Variants in MEF2C observed in about 807,000 individuals in gnomAD.
MEF2C encodes the protein myocyte-specific enhancer factor 2C.
A neutral mutation model predicts 50.5 loss-of-function variants in MEF2C; 6 were observed. The observed-to-expected ratio is 0.12, with a 90% CI of 0.07 to 0.23. MEF2C has a LOEUF of 0.23. MEF2C is among the 10% of genes least tolerant of loss of function. The pLI is 1.00. For missense variants in MEF2C, 276 were observed against 605.0 expected (o/e 0.46, Z 5.70); for synonymous variants, 183 against 228.0 (o/e 0.80, Z 1.78).
At chr5:88,763,154 T>C (rs1035254988) in intron 3 of MEF2C, among the ~76,000 whole-genome samples, 29 of 152,294 alleles carry the variant, frequency 1.9e-4, no homozygotes, top group African/African-American at 7.0e-4. Flanking sequence ...AAACATATGG[T>C]TACAGCTTAT....
chr5:88,869,296 C>CTTATAT (rs1828665479), intron 1 of MEF2C, among the ~76,000 whole-genome samples: 1 of 104,870 alleles, frequency 9.5e-6, no homozygotes, highest in African/African-American at 3.8e-5. Context: ...TATATATATA[C>CTTATAT]ACATATATAT....
At chr5:88,734,565 GTTTTTTTTTTTTTTT>G (rs66505441) in intron 6 of MEF2C, 49 of 541,950 alleles carry the variant, frequency 9.0e-5, no homozygotes, top group Admixed American at 5.0e-4. Flanking sequence ...AGAAAAGTTT[GTTTTTTTTTTTTTTT>G]TTTTTTTTTT....
At chr5:88,874,453 C>G (rs1201856374) in intron 1 of MEF2C, among the ~76,000 whole-genome samples, 1 of 151,808 alleles carries the variant, frequency 6.6e-6, no homozygotes, top group Admixed American at 6.6e-5. Context: ...AGTATTGACT[C>G]ATATATATAT....
intron 1 of MEF2C, among the ~76,000 whole-genome samples, chr5:88,878,984 T>G (rs929253195): frequency 3.3e-5 from 5 of 152,026 alleles, no homozygotes; most frequent in Non-Finnish European, 7.4e-5. Context: ...ATTGTGATGG[T>G]CAAAGAAAAC....
At chr5:88,831,582 C>CAGA (rs959833337) in intron 1 of MEF2C, among the ~76,000 whole-genome samples, 9 of 151,886 alleles carry the variant, frequency 5.9e-5, no homozygotes, top group Middle Eastern at 3.2e-3. Context: ...CTAGATAAAT[C>CAGA]ATCTGTTATT....
intron 3 of MEF2C, among the ~76,000 whole-genome samples, chr5:88,799,004 T>C (rs562716763): frequency 2.4e-4 from 36 of 152,206 alleles, no homozygotes; most frequent in Non-Finnish European, 4.6e-4. Flanking sequence ...TGCCTGTTCC[T>C]TCCTCTGGAA....
At chr5:88,729,375 T>C in intron 8 of MEF2C, 28 bp from the exon 9 acceptor site, 5 of 1,552,152 alleles carry the variant, frequency 3.2e-6, no homozygotes, top group Non-Finnish European at 4.4e-6. Flanking sequence ...AAGACATTAC[T>C]GATGAATTTT....
At chr5:88,822,309 T>C (rs1808779000) in intron 2 of MEF2C, among the ~76,000 whole-genome samples, 1 of 151,956 alleles carries the variant, frequency 6.6e-6, no homozygotes, top group South Asian at 2.1e-4. Context: ...TGACATTCAA[T>C]ATTTCAGTCT....
At chr5:88,802,533 A>G (rs1006079489) in intron 3 of MEF2C, among the ~76,000 whole-genome samples, 1 of 151,996 alleles carries the variant, frequency 6.6e-6, no homozygotes, top group Non-Finnish European at 1.5e-5. Flanking sequence ...TGAGGCCTTG[A>G]CCTCTCAGGC....
At chr5:88,802,599 A>T (rs1300539742) in intron 3 of MEF2C, among the ~76,000 whole-genome samples, 2 of 152,094 alleles carry the variant, frequency 1.3e-5, no homozygotes, top group African/African-American at 4.8e-5. Flanking sequence ...CATGTGTGCC[A>T]CCATGCCTGG....
At chr5:88,764,037 G>T (rs1279215369) in intron 3 of MEF2C, among the ~76,000 whole-genome samples, 1 of 152,094 alleles carries the variant, frequency 6.6e-6, no homozygotes, top group Non-Finnish European at 1.5e-5. Context: ...TTTTCAGTGT[G>T]CACCCAAATC....
intron 6 of MEF2C, chr5:88,748,276 A>G: frequency 1.3e-6 from 1 of 799,840 alleles, no homozygotes; most frequent in Non-Finnish European, 1.5e-6. Context: ...TGACATTTCA[A>G]ACATAACCTT....
chr5:88,753,804 A>C (rs1233134100), intron 4 of MEF2C, among the ~76,000 whole-genome samples: 1 of 152,240 alleles, frequency 6.6e-6, no homozygotes, highest in Non-Finnish European at 1.5e-5. Context: ...TTGGATAGAC[A>C]TCATGACATA....
Position 88,743,021 on chromosome 5 carries a change from A to C in MEF2C, c.637+6049T>G, listed in dbSNP as rs555825801. 12 of 973,854 alleles carry C rather than the reference A, an allele frequency of 1.2e-5. No homozygotes were observed. In the East Asian group the frequency reaches 3.4e-4, roughly 28 times the overall value. 60.3% of individuals were successfully genotyped at this position (973,854 alleles called of 1,614,324 possible). A position where few individuals can be genotyped will look rare whatever the true frequency, so the allele number is the denominator to read the frequency against. On this transcript the variant is annotated intron_variant, in intron 6 of 10. Transcript: ENST00000504921. ...ATGTTTTGGGTGAACTCCCAAGGTA[A>C]AACTGCCAATGAATTCAGAATTTTT...
At chr5:88,791,656 G>A (rs553529062) in intron 3 of MEF2C, among the ~76,000 whole-genome samples, 49 of 152,028 alleles carry the variant, frequency 3.2e-4, no homozygotes, top group African/African-American at 1.2e-3. Flanking sequence ...AAAAAGAAAT[G>A]GCTCTTCAAA....
intron 4 of MEF2C, among the ~76,000 whole-genome samples, chr5:88,754,342 A>G (rs1475166376): frequency 3.3e-5 from 5 of 152,200 alleles, no homozygotes; most frequent in Non-Finnish European, 5.9e-5. Context: ...TTACTCTTTC[A>G]GATCTAGAGA....
chr5:88,885,740 C>T (rs917662624), upstream of MEF2C, among the ~76,000 whole-genome samples: 8 of 152,030 alleles, frequency 5.3e-5, no homozygotes, highest in Admixed American at 3.9e-4. Flanking sequence ...TTTGAAGGAC[C>T]ATCTAAGTTT....
chr5:88,894,031 A>G (rs565540474), intron 1 of MEF2C, among the ~76,000 whole-genome samples: 3 of 152,340 alleles, frequency 2.0e-5, no homozygotes, highest in Admixed American at 1.3e-4. Flanking sequence ...TGCAAAAATA[A>G]TACTATCTTA....
intron 1 of MEF2C, among the ~76,000 whole-genome samples, chr5:88,891,964 C>T (rs772136245): frequency 3.3e-5 from 5 of 151,862 alleles, no homozygotes; most frequent in African/African-American, 4.8e-5. Flanking sequence ...TAAGGATCCC[C>T]GAAGTGTCCA....
Sources: allele counts gnomAD v4.1 joint callset (sites outside exome capture counted in the v4.1 genomes callset), GRCh38; gene constraint gnomAD v4.1.1; transcripts MANE v1.5; gene names NCBI Gene and HGNC (gene_info 2026-07-23, HGNC 2026-07-21).